The following MAP3K1 variants were observed in gnomAD, a reference collection of about 807,000 sequenced individuals.
The protein encoded by MAP3K1 is MAP/ERK kinase kinase 1.
Under a neutral mutation model 144.2 loss-of-function variants are expected in MAP3K1, and 36 were observed. That is an observed-to-expected ratio of 0.25 (90% CI 0.19 to 0.33). The LOEUF (loss-of-function observed/expected upper bound fraction) is 0.33, where lower values mean the gene tolerates loss of function less well. Among genes scored for constraint, MAP3K1 ranks in the 10% least tolerant of loss-of-function variants. MAP3K1 has a pLI of 1.00. For missense variants in MAP3K1, 1,650 were observed against 1,881.9 expected (o/e 0.88, Z 2.28); for synonymous variants, 718 against 688.7 (o/e 1.04, Z -0.67).
At chr5:56,870,134 T>C (rs762058704) in intron 6 of MAP3K1, among the ~76,000 whole-genome samples, 1 of 152,164 alleles carries the variant, frequency 6.6e-6, no homozygotes, top group Non-Finnish European at 1.5e-5. Flanking sequence ...TTAAAAAAAT[T>C]AGAAGTAATG....
At chr5:56,880,675 G>C (rs766537460) in intron 11 of MAP3K1, 36 bp from the exon 12 acceptor site, 2 of 1,411,680 alleles carry the variant, frequency 1.4e-6, no homozygotes, top group Non-Finnish European at 1.0e-6. Flanking sequence ...TTTTAGCCAA[G>C]ATCCAGGATT....
chr5:56,838,982 A>G lies in MAP3K1; in HGVS notation c.483-17618A>G, dbSNP rs1469773853. ...AAATAATTGAAGGGGATTGAAGAGC[A>G]TATGACATTGGTCGAGATCTTCTGG... On this transcript the variant is annotated intron_variant, in intron 1 of 19. Transcript: ENST00000399503. Among the ~76,000 whole-genome samples the G allele has an allele frequency of 3.9e-5, 6 of 152,346 alleles. No homozygotes were observed. In the East Asian group the frequency reaches 1.2e-3, roughly 29 times the overall value.
At chr5:56,854,806 A>G (rs1020923123) in intron 1 of MAP3K1, among the ~76,000 whole-genome samples, 2 of 152,240 alleles carry the variant, frequency 1.3e-5, no homozygotes, top group African/African-American at 2.4e-5. Context: ...AGGAAAGACT[A>G]TCAAGCACCT....
chr5:56,872,743 C>A, intron 8 of MAP3K1, 21 bp downstream of exon 8: 1 of 1,588,672 alleles, frequency 6.3e-7, no homozygotes, highest in East Asian at 2.2e-5. Flanking sequence ...TGAAATGATA[C>A]GGATATGTTT....
At chr5:56,848,701 T>C (rs79103172) in intron 1 of MAP3K1, among the ~76,000 whole-genome samples, 56 of 152,220 alleles carry the variant, frequency 3.7e-4, no homozygotes, top group Non-Finnish European at 6.8e-4. Flanking sequence ...GAGAATACTT[T>C]TAATTTTAAA....
At chr5:56,891,518 G>T (rs1207171675) in intron 19 of MAP3K1, among the ~76,000 whole-genome samples, 2 of 152,206 alleles carry the variant, frequency 1.3e-5, no homozygotes, top group Middle Eastern at 3.4e-3. Context: ...AGTTTCTTTT[G>T]CTCTGCAGAA....
intron 1 of MAP3K1, among the ~76,000 whole-genome samples, chr5:56,848,116 A>G (rs775483292): frequency 4.0e-5 from 6 of 151,060 alleles, no homozygotes; most frequent in Admixed American, 1.3e-4. Flanking sequence ...AAAAAAATTG[A>G]TACAGAGTTG....
rs1350723460 is a variant in MAP3K1 at position 56,820,641 on chromosome 5, A to G, written c.482+4586A>G. The G allele has an allele frequency of 3.0e-6, 3 of 985,236 alleles. No homozygotes were observed. The African/African-American group carries it at 5.2e-5, about 17-fold the overall frequency. The allele number at this position is 985,236 out of a possible 1,614,324, so 61.0% of individuals were successfully genotyped here. ...ATCATAAGTGAAAGGAGATAAGCTGAAATTAATATGGTTCATTCATGGTAA... is the reference window on the plus strand; with the variant it reads ...ATCATAAGTGAAAGGAGATAAGCTGGAATTAATATGGTTCATTCATGGTAA... On this transcript the variant is annotated intron_variant, in intron 1 of 19. Coordinates refer to ENST00000399503, the MANE Select transcript of MAP3K1 (RefSeq NM_005921.2).
chr5:56,818,936 C>T (rs1376839979), intron 1 of MAP3K1, among the ~76,000 whole-genome samples: 1 of 152,038 alleles, frequency 6.6e-6, no homozygotes, highest in Non-Finnish European at 1.5e-5. Context: ...GATTTAGTGA[C>T]CTTTTACTAA....
At position 56,815,810 on chromosome 5, in the gene MAP3K1, C is replaced by T. The variant is rs752121515; in HGVS notation, c.237C>T (p.Phe79=). The change falls in exon 1 of 20, where the codon TTC becomes TTT. Residue 79 remains phenylalanine, a synonymous_variant. Transcript: ENST00000399503. The part of the protein sequence containing the change: ...ELDQLPEQPL[F]LAASPPASST... ...ACCAGCTGCCTGAGCAGCCGCTCTT[C>T]CTTGCCGCCTCACCGCCGGCCTCCT... 6 of 1,422,694 alleles carry T rather than the reference C, an allele frequency of 4.2e-6. No homozygotes were observed. The highest frequency in any genetic ancestry group is 4.9e-5 in the Admixed American group (2 of 40,580). The allele number at this position is 1,422,694 out of a possible 1,614,324, so 88.1% of individuals were successfully genotyped here. A position where few individuals can be genotyped will look rare whatever the true frequency, so the allele number is the denominator to read the frequency against.
intron 6 of MAP3K1, among the ~76,000 whole-genome samples, chr5:56,871,642 GTTTC>G (rs1171905238): frequency 3.9e-5 from 6 of 152,252 alleles, no homozygotes; most frequent in East Asian, 1.9e-4. Flanking sequence ...GGATACAAAT[GTTTC>G]TTTCTAAGAT....
rs1745924535 is a variant in MAP3K1 at position 56,815,692 on chromosome 5, C to T, written c.119C>T (p.Ala40Val). The change falls in exon 1 of 20, where the codon GCC becomes GTC. Residue 40 changes from alanine (A) to valine (V), a missense_variant. Physicochemically the swap from Ala to Val is moderately conservative, Grantham distance 64. This residue lies in a region of MAP3K1 where 360 missense variants were observed against 274.7 expected (regional missense o/e 1.31). Coordinates refer to ENST00000399503, the MANE Select transcript of MAP3K1 (RefSeq NM_005921.2). ...AAGGCGAGCAGCGCGCCCGCGGCTG[C>T]CGCGGGACTGCTGCGGGAGGCGGGC... The part of the protein sequence containing the change: ...ALKASSAPAA[A>V]AGLLREAGSG... The T allele has an allele frequency of 2.3e-6, 3 of 1,316,092 alleles. 1 individual carries two copies. The highest frequency in any genetic ancestry group is 7.1e-5 in the Admixed American group (2 of 27,996). 81.5% of individuals were successfully genotyped at this position (1,316,092 alleles called of 1,614,324 possible).
In MAP3K1 at chr5:56,842,298, T is replaced by TGGA. The variant is rs1040305572; in HGVS notation, c.483-14295_483-14293dup. 20 of 152,346 alleles carry TGGA rather than the reference T, an allele frequency of 1.3e-4. 1 individual carries two copies. In the East Asian group the frequency reaches 1.4e-3, roughly 10 times the overall value. 9.4% of individuals were successfully genotyped at this position (152,346 alleles called of 1,614,324 possible). A position where few individuals can be genotyped will look rare whatever the true frequency, so the allele number is the denominator to read the frequency against. On this transcript the variant is annotated intron_variant, in intron 1 of 19. Transcript: ENST00000399503. ...AAAAGAAGTTATAATAACAGCATAG[T>TGGA]GGAGGAGGACAGGACTTTAAAGTCG...
intron 5 of MAP3K1, 117 bp from the exon 6 acceptor site, chr5:56,865,712 C>CT: frequency 9.0e-7 from 1 of 1,108,246 alleles, no homozygotes; most frequent in Non-Finnish European, 1.3e-6. Context: ...TTTTGAAGCT[C>CT]TTAAATCAAC....
chr5:56,860,247 G>A (rs917840971), intron 3 of MAP3K1, among the ~76,000 whole-genome samples: 2 of 152,134 alleles, frequency 1.3e-5, no homozygotes, highest in African/African-American at 2.4e-5. Context: ...AGAAAAAAAT[G>A]CCAGTTACAC....
chr5:56,860,210 T>A (rs1189108918), intron 3 of MAP3K1, among the ~76,000 whole-genome samples: 1 of 152,206 alleles, frequency 6.6e-6, no homozygotes, highest in Non-Finnish European at 1.5e-5. Flanking sequence ...GAAACTATAT[T>A]CATTATTGCT....
intron 4 of MAP3K1, 114 bp from the exon 5 acceptor site, chr5:56,865,226 G>A (rs1417890546): frequency 1.4e-6 from 1 of 712,096 alleles, no homozygotes. Context: ...TGAAGAATAT[G>A]AATTAATAGA....
intron 1 of MAP3K1, among the ~76,000 whole-genome samples, chr5:56,839,002 T>C (rs1005505191): frequency 3.3e-5 from 5 of 152,244 alleles, no homozygotes; most frequent in Non-Finnish European, 5.9e-5. Flanking sequence ...GGTCGAGATC[T>C]TCTGGGGAGA....
intron 19 of MAP3K1, among the ~76,000 whole-genome samples, chr5:56,891,531 G>A (rs555526059): frequency 1.5e-4 from 23 of 152,182 alleles, no homozygotes; most frequent in Middle Eastern, 3.4e-3. Context: ...CTGCAGAAGC[G>A]CTTTAGTTTA....
Sources: allele counts gnomAD v4.1 joint callset (sites outside exome capture counted in the v4.1 genomes callset), GRCh38; gene constraint gnomAD v4.1.1; regional missense constraint gnomAD v4.1.1; transcripts MANE v1.5; gene names NCBI Gene and HGNC (gene_info 2026-07-23, HGNC 2026-07-21).